The following PANK3 variants were observed in gnomAD, a reference collection of about 807,000 sequenced individuals.
The protein encoded by PANK3 is pantothenate kinase 3.
In PANK3, 20 loss-of-function variants were observed where a neutral mutation model predicts 39.4. The ratio of observed to expected loss-of-function variants is 0.51; its 90% CI spans 0.36 to 0.74. The LOEUF is 0.74. PANK3 is among the 30% of genes least tolerant of loss of function. PANK3 has a pLI of 0.00. For missense variants in PANK3, 265 were observed against 437.0 expected, an observed-to-expected ratio of 0.61 and a Z score of 3.51; for synonymous variants, 140 against 157.3, an observed-to-expected ratio of 0.89 and a Z score of 0.82.
chr5:168,571,817 A>G (rs1759635572), intron 1 of PANK3, among the ~76,000 whole-genome samples: 1 of 152,214 alleles, frequency 6.6e-6, no homozygotes, highest in South Asian at 2.1e-4. Context: ...TTTTGGAGAA[A>G]TAGCTCGTTC....
At chr5:168,562,156 C>T (rs1023917794) in intron 4 of PANK3, among the ~76,000 whole-genome samples, 3 of 152,080 alleles carry the variant, frequency 2.0e-5, no homozygotes, top group Admixed American at 2.0e-4. Context: ...CAATGCAGGC[C>T]TACATACAAA....
intron 2 of PANK3, among the ~76,000 whole-genome samples, chr5:168,566,666 CAA>C (rs1192620754): frequency 4.6e-5 from 7 of 152,258 alleles, no homozygotes; most frequent in African/African-American, 1.7e-4. Flanking sequence ...TAGAGAATAA[CAA>C]AGTTATTTTA....
intron 5 of PANK3, chr5:168,560,795 C>T: frequency 5.0e-6 from 1 of 200,490 alleles, no homozygotes; most frequent in South Asian, 9.8e-5. Context: ...TATTCTCTTC[C>T]AAACAAAGAA....
At chr5:168,561,655 A>C in intron 4 of PANK3, 139 bp from the exon 5 acceptor site, 1 of 624,986 alleles carries the variant, frequency 1.6e-6, no homozygotes, top group East Asian at 3.4e-5. Flanking sequence ...GATCAAAACA[A>C]ACTAACAAAA....
At chr5:168,560,870 A>G (rs1440618133) in intron 5 of PANK3, 1 of 434,072 alleles carries the variant, frequency 2.3e-6, no homozygotes, top group East Asian at 6.0e-5. Flanking sequence ...AATAAACACC[A>G]CTCAAATATC....
intron 2 of PANK3, among the ~76,000 whole-genome samples, chr5:168,567,122 G>A (rs1759548855): frequency 6.6e-6 from 1 of 152,188 alleles, no homozygotes; most frequent in Admixed American, 6.5e-5. Context: ...ACTTCTTACT[G>A]TTTGGAATTT....
Position 168,554,701 on chromosome 5 carries a change from T to C in PANK3, c.*2870A>G, listed in dbSNP as rs1759323094. The C allele has an allele frequency of 6.6e-6, 1 of 152,246 alleles. No individual in the cohort carries two copies. The highest frequency in any genetic ancestry group is 6.5e-5 in the Admixed American group (1 of 15,276). 9.4% of individuals were successfully genotyped at this position (152,246 alleles called of 1,614,324 possible). ...TATTTCCATTGTAGTGACTAAATAT[T>C]GGAGCCAAAATTCCATTAGTTCAAT... is the stretch of plus-strand genomic sequence containing the variant. On this transcript the variant is annotated 3_prime_UTR_variant, in exon 7 of 7. Transcript: ENST00000239231.
rs371365125 is a variant in PANK3 at position 168,570,209 on chromosome 5, C to A, written c.29-1211G>T. On this transcript the variant is annotated intron_variant, in intron 1 of 6. Transcript: ENST00000239231. ...CTTCCTGGCTAACACAGCGAAACCC[C>A]GTCTCTACTAAAAAAATACAAAAAA... Among the ~76,000 whole-genome samples, 53 of 151,678 alleles carry A rather than the reference C, an allele frequency of 3.5e-4. 2 individuals are homozygous for A. In the South Asian group the frequency reaches 0.011, roughly 31 times the overall value.
At chr5:168,559,417 A>G (rs554721750) in intron 5 of PANK3, among the ~76,000 whole-genome samples, 1 of 152,146 alleles carries the variant, frequency 6.6e-6, no homozygotes, top group African/African-American at 2.4e-5. Context: ...GGTGATGATG[A>G]TGTGTGCACA....
At chr5:168,573,416 CAAAAAAAAAAAA>C (rs574960925) in intron 1 of PANK3, among the ~76,000 whole-genome samples, 25 of 16,952 alleles carry the variant, frequency 1.5e-3, no homozygotes, top group Admixed American at 3.7e-3. Context: ...CTCAGCAAGG[CAAAAAAAAAAAA>C]AAAAAAAAAA....
At chr5:168,559,375 C>T (rs1396691032) in intron 5 of PANK3, among the ~76,000 whole-genome samples, 2 of 152,184 alleles carry the variant, frequency 1.3e-5, no homozygotes, top group South Asian at 2.1e-4. Flanking sequence ...AAATGTGTAA[C>T]ACCAAGAGAG....
intron 1 of PANK3, among the ~76,000 whole-genome samples, chr5:168,572,692 T>C (rs2113030370): frequency 6.6e-6 from 1 of 152,324 alleles, no homozygotes; most frequent in Admixed American, 6.5e-5. Context: ...CATCTGGATG[T>C]ATATGTGCAA....
chr5:168,573,759 T>G (rs935615719), intron 1 of PANK3, among the ~76,000 whole-genome samples: 5 of 146,136 alleles, frequency 3.4e-5, no homozygotes, highest in Admixed American at 7.2e-5. Context: ...TGAGTGAGAA[T>G]ATGCGGTGTT....
chr5:168,560,896 C>T (rs745789748), intron 5 of PANK3: 4 of 493,318 alleles, frequency 8.1e-6, no homozygotes, highest in South Asian at 6.0e-5. Flanking sequence ...GAACAGGTCT[C>T]AATGCCTTCA....
chr5:168,575,054 C>G (rs753431616), intron 1 of PANK3, among the ~76,000 whole-genome samples: 20 of 151,704 alleles, frequency 1.3e-4, no homozygotes, highest in Non-Finnish European at 2.8e-4. Context: ...AAAAAAGAAC[C>G]AAAATACACA....
intron 6 of PANK3, among the ~76,000 whole-genome samples, chr5:168,558,608 C>T (rs158895): frequency 0.75 from 114,540 of 152,188 alleles, 43,618 homozygotes; most frequent in African/African-American, 0.85. Context: ...CAGATCAGAA[C>T]TTAACTGCAT....
Position 168,559,016 on chromosome 5 carries a change from CA to C in PANK3, c.1062+15del, listed in dbSNP as rs757691889. ...ACATGCTATTAAAATTCACAAAAAACATTTTCCTACCATACCTCATGTTCTA... is the reference window on the plus strand; with the variant it reads ...ACATGCTATTAAAATTCACAAAAAACTTTTCCTACCATACCTCATGTTCTA... On this transcript the variant is annotated intron_variant, in intron 6 of 6. Transcript: ENST00000239231. 33 of 1,594,998 alleles carry C rather than the reference CA, an allele frequency of 2.1e-5. No individual in the cohort carries two copies. The highest frequency in any genetic ancestry group is 2.6e-5 in the Non-Finnish European group (30 of 1,172,630).
intron 4 of PANK3, among the ~76,000 whole-genome samples, chr5:168,562,655 T>C (rs1759465076): frequency 1.3e-5 from 2 of 152,156 alleles, no homozygotes; most frequent in African/African-American, 4.8e-5. Flanking sequence ...TATGGACATA[T>C]TTGGAGAGGC....
chr5:168,562,353 G>A (rs555335990), intron 4 of PANK3, among the ~76,000 whole-genome samples: 1 of 152,280 alleles, frequency 6.6e-6, no homozygotes, highest in African/African-American at 2.4e-5. Context: ...GAAAAAATGA[G>A]AAGAAAAATC....
Sources: allele counts gnomAD v4.1 joint callset (sites outside exome capture counted in the v4.1 genomes callset), GRCh38; gene constraint gnomAD v4.1.1; transcripts MANE v1.5; gene names NCBI Gene and HGNC (gene_info 2026-07-23, HGNC 2026-07-21).